The following CD2AP variants were observed in gnomAD, a reference collection of about 807,000 sequenced individuals.
The protein encoded by CD2AP is CD2 associated protein, also known as CD2-associated protein.
In CD2AP, 46 loss-of-function variants were observed where a neutral mutation model predicts 85.1. The observed-to-expected ratio is 0.54, with a 90% confidence interval of 0.43 to 0.69. The LOEUF is 0.69. Ranked by LOEUF, CD2AP falls within the 30% of genes least tolerant of loss-of-function variation. CD2AP has a pLI of 0.00. For synonymous variants in CD2AP, 255 were observed against 252.9 expected (o/e 1.01, Z -0.08); for missense variants, 769 against 729.5 (o/e 1.05, Z -0.62).
chr6:47,481,809 T>C (rs1765452222), intron 1 of CD2AP, among the ~76,000 whole-genome samples: 1 of 152,258 alleles, frequency 6.6e-6, no homozygotes, highest in African/African-American at 2.4e-5. Context: ...GACAAGGTCT[T>C]GCTCTGTTAC....
intron 9 of CD2AP, 156 bp downstream of exon 9, chr6:47,579,645 A>C (rs190840846): frequency 1.6e-6 from 1 of 610,360 alleles, no homozygotes; most frequent in Non-Finnish European, 2.9e-6. Context: ...ATAGTAAAAC[A>C]AAATAATGTT....
Position 47,576,513 on chromosome 6 carries a change from T to G in CD2AP, c.730-11T>G. ...TCTTAAAATAGTTTATGCCATTTTT[T>G]TCTATTCTAGCCCTTAATCCTACAG... On this transcript the variant is annotated splice_polypyrimidine_tract_variant and intron_variant, in intron 6 of 17. Coordinates refer to ENST00000359314, the MANE Select transcript of CD2AP (RefSeq NM_012120.3). The G allele has an allele frequency of 1.3e-6, 2 of 1,583,562 alleles. No individual in the cohort carries two copies. Among genetic ancestry groups the G allele is most frequent in the Non-Finnish European group, 1.7e-6 (2 of 1,152,760 alleles).
chr6:47,599,054 G>A (rs1411145848), intron 12 of CD2AP, among the ~76,000 whole-genome samples: 1 of 149,716 alleles, frequency 6.7e-6, no homozygotes, highest in East Asian at 1.9e-4. Flanking sequence ...AATATTTTCT[G>A]TATACTAATA....
At chr6:47,515,233 A>G (rs747471673) in intron 2 of CD2AP, among the ~76,000 whole-genome samples, 3 of 152,146 alleles carry the variant, frequency 2.0e-5, no homozygotes, top group Non-Finnish European at 4.4e-5. Flanking sequence ...GACTAAAAGC[A>G]TGGGTTAAAG....
At chr6:47,588,563 A>G (rs1383644782) in intron 11 of CD2AP, among the ~76,000 whole-genome samples, 1 of 152,168 alleles carries the variant, frequency 6.6e-6, no homozygotes, top group Non-Finnish European at 1.5e-5. Context: ...AAGGAAGCTG[A>G]AGTGTTTCAA....
chr6:47,541,270 CCCA>C (rs1156685871), intron 3 of CD2AP, among the ~76,000 whole-genome samples: 1 of 152,098 alleles, frequency 6.6e-6, no homozygotes, highest in Admixed American at 6.5e-5. Context: ...ACTACAGGCA[CCCA>C]CCACCACGCC....
chr6:47,522,598 G>T (rs1476676543), intron 2 of CD2AP, among the ~76,000 whole-genome samples: 1 of 152,072 alleles, frequency 6.6e-6, no homozygotes, highest in Non-Finnish European at 1.5e-5. Flanking sequence ...TAGACTTTTT[G>T]ATATAGTCAG....
intron 5 of CD2AP, among the ~76,000 whole-genome samples, chr6:47,569,335 C>T (rs927782738): frequency 6.6e-6 from 1 of 151,854 alleles, no homozygotes; most frequent in Admixed American, 6.6e-5. Context: ...TGATTAGTCT[C>T]AATTTATTGG....
intron 16 of CD2AP, among the ~76,000 whole-genome samples, chr6:47,609,899 T>C (rs113277457): frequency 2.6e-5 from 4 of 152,270 alleles, no homozygotes; most frequent in African/African-American, 9.6e-5. Flanking sequence ...AGGAAAAATA[T>C]CGTATTTTGG....
At chr6:47,500,344 G>A (rs946752055) in intron 1 of CD2AP, among the ~76,000 whole-genome samples, 1 of 152,048 alleles carries the variant, frequency 6.6e-6, no homozygotes, top group African/African-American at 2.4e-5. Flanking sequence ...TCTTTTTGAG[G>A]TCTACAGAGC....
intron 3 of CD2AP, among the ~76,000 whole-genome samples, chr6:47,543,736 C>A (rs1439137892): frequency 2.6e-5 from 4 of 152,188 alleles, no homozygotes; most frequent in Non-Finnish European, 5.9e-5. Flanking sequence ...TTTACCACCC[C>A]CACAAAGGCA....
intron 2 of CD2AP, among the ~76,000 whole-genome samples, chr6:47,526,083 G>T (rs1766715025): frequency 6.6e-6 from 1 of 152,194 alleles, no homozygotes; most frequent in South Asian, 2.1e-4. Flanking sequence ...AAAAGTGAAT[G>T]AAGGGCAGAG....
chr6:47,609,513 C>CA lies in CD2AP; in HGVS notation c.1814+227dup, dbSNP rs10580796. 0.063 allele frequency: 8,854 copies of CA among 141,658 alleles called. 403 individuals carry two copies. The highest frequency in any genetic ancestry group is 0.069 in the African/African-American group (2,111 of 30,452). 8.8% of individuals were successfully genotyped at this position (141,658 alleles called of 1,614,324 possible). ...ACGACATGACAAAACCCCATCTTTGCAAAAAAAAAAAAAAAAAAGAAAAGA... is the reference window on the plus strand; with the variant it reads ...ACGACATGACAAAACCCCATCTTTGCAAAAAAAAAAAAAAAAAAAGAAAAGA... On this transcript the variant is annotated intron_variant, in intron 16 of 17. Transcript: ENST00000359314.
chr6:47,509,406 T>C (rs1381145010), intron 2 of CD2AP, among the ~76,000 whole-genome samples: 3 of 151,626 alleles, frequency 2.0e-5, no homozygotes, highest in African/African-American at 4.9e-5. Context: ...ATGGGCTTGC[T>C]TGACACAGTG....
At chr6:47,529,159 C>A (rs1019063295) in intron 2 of CD2AP, among the ~76,000 whole-genome samples, 1 of 145,916 alleles carries the variant, frequency 6.9e-6, no homozygotes, top group East Asian at 2.0e-4. Context: ...TCTGCTCTCA[C>A]CTGGTATATT....
At chr6:47,532,505 G>A (rs1218394717) in intron 2 of CD2AP, among the ~76,000 whole-genome samples, 1 of 151,424 alleles carries the variant, frequency 6.6e-6, no homozygotes, top group Non-Finnish European at 1.5e-5. Context: ...TATTAAATAT[G>A]GAACGTTTTT....
intron 12 of CD2AP, among the ~76,000 whole-genome samples, chr6:47,596,636 G>T (rs958750956): frequency 3.8e-4 from 57 of 151,954 alleles, no homozygotes; most frequent in African/African-American, 1.1e-3. Flanking sequence ...GTGTATATAT[G>T]CCACATTTTC....
chr6:47,603,869 T>C (rs761012304), intron 13 of CD2AP, among the ~76,000 whole-genome samples: 5 of 152,066 alleles, frequency 3.3e-5, no homozygotes, highest in Non-Finnish European at 5.9e-5. Context: ...AAAATAGTAT[T>C]TTCAATATAA....
intron 1 of CD2AP, 51 bp downstream of exon 1, chr6:47,478,299 G>T (rs1322454899): frequency 1.9e-6 from 3 of 1,560,820 alleles, no homozygotes; most frequent in African/African-American, 1.4e-5. Flanking sequence ...CCAGACCCGG[G>T]GAGGCTGTGC....
Sources: gnomAD v4.1 joint callset for allele counts (sites outside exome capture counted in the v4.1 genomes callset) on GRCh38, gnomAD v4.1.1 for gene constraint, MANE v1.5 for transcripts, NCBI Gene and HGNC (gene_info 2026-07-23, HGNC 2026-07-21) for gene names.